ZIC2: variants seen among roughly 807,000 people sequenced by gnomAD.
ZIC2 encodes the protein Zic family zinc finger 2, also known as zinc finger protein ZIC 2.
Under a neutral mutation model 29.5 loss-of-function variants are expected in ZIC2, and 7 were observed. The ratio of observed to expected loss-of-function variants is 0.24; its 90% CI spans 0.14 to 0.45. The LOEUF (loss-of-function observed/expected upper bound fraction) is 0.45, where lower values mean the gene tolerates loss of function less well. Among genes scored for constraint, ZIC2 ranks in the 20% least tolerant of loss-of-function variants. The probability of loss-of-function intolerance (pLI) is 1.00; values close to 1 mark genes in which losing one functional copy is unlikely to be tolerated. For missense variants in ZIC2, 589 were observed against 781.2 expected (o/e 0.75, Z 2.93); for synonymous variants, 408 against 354.2 (o/e 1.15, Z -1.70).
Position 99,985,529 on chromosome 13 carries a change from TGGC to T in ZIC2, c.1451_1453del (p.Gly484del). 9.9e-7 allele frequency: 1 copy of T among 1,009,522 alleles called. No individual in the cohort carries two copies. The highest frequency in any genetic ancestry group is 1.2e-6 in the Non-Finnish European group (1 of 850,290). 62.5% of individuals were successfully genotyped at this position (1,009,522 alleles called of 1,614,324 possible). On this transcript the variant is annotated inframe_deletion, in exon 3 of 3. Transcript: ENST00000376335. The surrounding 1 kb of genome is among the most constrained non-coding windows in gnomAD (Gnocchi z 6.3). The stretch of plus-strand genomic sequence containing the variant: ...TGCACCGGGGCGGAGGCTCGGGCAG[TGGC>T]GGCGCGGGAGGCGGCTCAGGCGGCG...
At position 99,985,722 on chromosome 13, in the gene ZIC2, G is replaced by A; in HGVS notation, c.*40G>A. ...TCTCCCTCTCCCTGTCCCCACCCCA[G>A]CGCAGCAGCCCTCCCCGCAGCTAGC... On this transcript the variant is annotated 3_prime_UTR_variant, in exon 3 of 3. Transcript: ENST00000376335. The surrounding 1 kb of genome is among the most constrained non-coding windows in gnomAD (Gnocchi z 6.3). The A allele has an allele frequency of 8.1e-7, 1 of 1,234,028 alleles. No individual in the cohort carries two copies. The highest frequency in any genetic ancestry group is 1.1e-6 in the Non-Finnish European group (1 of 945,104). 76.4% of individuals were successfully genotyped at this position (1,234,028 alleles called of 1,614,324 possible).
In ZIC2 at chr13:99,985,825, G is replaced by A. The variant is rs1315696291; in HGVS notation, c.*143G>A. On this transcript the variant is annotated 3_prime_UTR_variant, in exon 3 of 3. Transcript: ENST00000376335. The surrounding 1 kb of genome is among the most constrained non-coding windows in gnomAD (Gnocchi z 6.3). ...ATGATGAAAATTTTACCAGCAGAAG[G>A]ATTTTTTAAAGTTTTTTTTTTTTTT... 1.5e-5 allele frequency: 5 copies of A among 328,998 alleles called. No homozygotes were observed. In the East Asian group the frequency reaches 4.7e-4, roughly 31 times the overall value. 20.4% of individuals were successfully genotyped at this position (328,998 alleles called of 1,614,324 possible).
At position 99,985,228 on chromosome 13, in the gene ZIC2, T is replaced by G; in HGVS notation, c.1240-95T>G. ...AGGGGCCAGGGCGGCGGGGGGAACA[T>G]TTCTGGGGGTGCTCTCCCCCAGGGG... On this transcript the variant is annotated intron_variant, in intron 2 of 2. Transcript: ENST00000376335. The surrounding 1 kb of genome is among the most constrained non-coding windows in gnomAD (Gnocchi z 6.3). 1 of 1,601,646 alleles carries G rather than the reference T, an allele frequency of 6.2e-7. No individual in the cohort carries two copies. The highest frequency in any genetic ancestry group is 1.7e-5 in the Admixed American group (1 of 59,346).
At position 99,985,364 on chromosome 13, in the gene ZIC2, C is replaced by G. The variant is rs373881602; in HGVS notation, c.1281C>G (p.Ala427=). Residue 427 remains alanine, a synonymous_variant, in exon 3 of 3, where the codon GCC becomes GCG. Coordinates refer to ENST00000376335, the MANE Select transcript of ZIC2 (RefSeq NM_007129.5). The surrounding 1 kb of genome is among the most constrained non-coding windows in gnomAD (Gnocchi z 6.3). ...SSPQGSESSP[A]ASSGYESSTP... ...CGCAGGGCTCTGAATCCTCCCCGGC[C>G]GCCAGCTCCGGCTATGAGTCGTCCA... 78 of 1,597,896 alleles carry G rather than the reference C, an allele frequency of 4.9e-5. No homozygotes were observed. In the East Asian group the frequency reaches 1.4e-3, roughly 28 times the overall value.
rs2053258353 is a variant in ZIC2, at chr13:99,985,243, T to TC, written c.1240-75dup. On this transcript the variant is annotated intron_variant, in intron 2 of 2. Transcript: ENST00000376335. This position sits in a 1 kb window ranked among gnomAD's most constrained non-coding sequence, Gnocchi z 6.3. ...GGGGGGAACATTTCTGGGGGTGCTC[T>TC]CCCCCAGGGGCCCGGCCCCACAGCA... 4 of 1,601,548 alleles carry TC rather than the reference T, an allele frequency of 2.5e-6. No individual in the cohort carries two copies. Among genetic ancestry groups the TC allele is most frequent in the Non-Finnish European group, 2.5e-6 (3 of 1,176,688 alleles).
rs1388935025 is a variant in ZIC2, at chr13:99,982,319, C to T, written c.255C>T (p.Tyr85=). The change falls in exon 1 of 3, where the codon TAC becomes TAT. Residue 85 remains tyrosine, a synonymous_variant. Coordinates refer to ENST00000376335, the MANE Select transcript of ZIC2 (RefSeq NM_007129.5). ...TCACGTCGCAGGGCCCCGGCGCCTA[C>T]CCCGGCTCCGCTGCGGCTGCCGCTG... ...SAFTSQGPGA[Y]PGSAAAAAAA... The T allele has an allele frequency of 6.8e-6, 10 of 1,468,492 alleles. No homozygotes were observed. Among genetic ancestry groups the T allele is most frequent in the Non-Finnish European group, 9.0e-6 (10 of 1,112,968 alleles). The allele number at this position is 1,468,492 out of a possible 1,614,324, so 91.0% of individuals were successfully genotyped here.
rs1300720574 is a variant in ZIC2 at position 99,982,632 on chromosome 13, C to T, written c.568C>T (p.Arg190Cys). 2 of 1,595,624 alleles carry T rather than the reference C, an allele frequency of 1.3e-6. No homozygotes were observed. Among genetic ancestry groups the T allele is most frequent in the Admixed American group, 1.7e-5 (1 of 59,338 alleles). Residue 190 changes from arginine to cysteine, a missense_variant, in exon 1 of 3, where the codon CGC becomes TGC. Arg to Cys is a radical substitution (Grantham distance 180, BLOSUM62 -3). This residue lies in a region of ZIC2 where 358 missense variants were observed against 382.0 expected (regional missense o/e 0.94). Coordinates refer to ENST00000376335, the MANE Select transcript of ZIC2 (RefSeq NM_007129.5). ...CGGGCTGCCCGGCGAGGTGTTCGGG[C>T]GCTCGGAGCAATACCGCCAGGTGGC... ...RLGLPGEVFG[R>C]SEQYRQVASP...
Position 99,986,023 on chromosome 13 carries a change from A to T in ZIC2, c.*341A>T, listed in dbSNP as rs1220903404. On this transcript the variant is annotated 3_prime_UTR_variant, in exon 3 of 3. Coordinates refer to ENST00000376335, the MANE Select transcript of ZIC2 (RefSeq NM_007129.5). ...CCCACCCTGTTCCCAGTCTTCTGAC[A>T]AACTGTGTACATAGCGGACTCCTCC... The T allele has an allele frequency of 4.4e-6, 2 of 455,772 alleles. No homozygotes were observed. Among genetic ancestry groups the T allele is most frequent in the South Asian group, 3.1e-5 (2 of 64,380 alleles). 28.2% of individuals were successfully genotyped at this position (455,772 alleles called of 1,614,324 possible). A position where few individuals can be genotyped will look rare whatever the true frequency, so the allele number is the denominator to read the frequency against.
Position 99,986,011 on chromosome 13 carries a change from C to T in ZIC2, c.*329C>T, listed in dbSNP as rs1337716327. ...CCCACGTTCTTTCCCACCCTGTTCC[C>T]AGTCTTCTGACAAACTGTGTACATA... is the stretch of plus-strand genomic sequence containing the variant. On this transcript the variant is annotated 3_prime_UTR_variant, in exon 3 of 3. Transcript: ENST00000376335. 2.2e-6 allele frequency: 1 copy of T among 455,200 alleles called. No homozygotes were observed. The highest frequency in any genetic ancestry group is 2.4e-5 in the Admixed American group (1 of 42,334). 28.2% of individuals were successfully genotyped at this position (455,200 alleles called of 1,614,324 possible).
At position 99,985,227 on chromosome 13, in the gene ZIC2, A is replaced by AT; in HGVS notation, c.1240-93dup. 1 of 1,602,634 alleles carries AT rather than the reference A, an allele frequency of 6.2e-7. No homozygotes were observed. Among genetic ancestry groups the AT allele is most frequent in the East Asian group, 2.2e-5 (1 of 44,546 alleles). ...CAGGGGCCAGGGCGGCGGGGGGAAC[A>AT]TTTCTGGGGGTGCTCTCCCCCAGGG... On this transcript the variant is annotated intron_variant, in intron 2 of 2. Transcript: ENST00000376335. This position sits in a 1 kb window ranked among gnomAD's most constrained non-coding sequence, Gnocchi z 6.3.
rs2053245591 is a variant in ZIC2, at chr13:99,983,209, G to A, written c.1075+70G>A. 1 of 1,561,148 alleles carries A rather than the reference G, an allele frequency of 6.4e-7. No individual in the cohort carries two copies. The highest frequency in any genetic ancestry group is 8.6e-7 in the Non-Finnish European group (1 of 1,156,294). On this transcript the variant is annotated intron_variant, in intron 1 of 2. Transcript: ENST00000376335. This position sits in a 1 kb window ranked among gnomAD's most constrained non-coding sequence, Gnocchi z 4.7. ...GCACAGGCTGAGACTCAGGCTGTGG[G>A]TGCCGACGCTGGGCGCAGACCGCCA...
Position 99,985,919 on chromosome 13 carries a change from CAAATAAA to C in ZIC2, c.*248_*254del. The stretch of plus-strand genomic sequence containing the variant: ...AGTCTTTGAAGCTGAAAATATAAAA[CAAATAAA>C]AAATAAAAAAATAAAAACCCACAAA... On this transcript the variant is annotated 3_prime_UTR_variant, in exon 3 of 3. Coordinates refer to ENST00000376335, the MANE Select transcript of ZIC2 (RefSeq NM_007129.5). This position sits in a 1 kb window ranked among gnomAD's most constrained non-coding sequence, Gnocchi z 6.3. 2.9e-6 allele frequency: 1 copy of C among 343,338 alleles called. No individual in the cohort carries two copies. The highest frequency in any genetic ancestry group is 5.5e-6 in the Non-Finnish European group (1 of 181,118). 21.3% of individuals were successfully genotyped at this position (343,338 alleles called of 1,614,324 possible).
intron 1 of ZIC2, chr13:99,984,530 T>C: frequency 3.5e-6 from 1 of 288,300 alleles, no homozygotes; most frequent in South Asian, 3.4e-5. Flanking sequence ...AATTGCTTAC[T>C]GGCCCTGGCG....
In ZIC2 at chr13:99,985,454, GGCGGCA is replaced by G; in HGVS notation, c.1377_1382del (p.Ala469_Ala470del). On this transcript the variant is annotated inframe_deletion, in exon 3 of 3. Transcript: ENST00000376335. The surrounding 1 kb of genome is among the most constrained non-coding windows in gnomAD (Gnocchi z 6.3). ...GCAGCTCCAACCTGTCCCCAGCGGCGGCGGCAGCGGCGGCGGCGGCTGCGGCGGCGG... is the reference window on the plus strand; with the variant it reads ...GCAGCTCCAACCTGTCCCCAGCGGCGGCGGCGGCGGCGGCTGCGGCGGCGG... 1 of 1,387,884 alleles carries G rather than the reference GGCGGCA, an allele frequency of 7.2e-7. No homozygotes were observed. Among genetic ancestry groups the G allele is most frequent in the African/African-American group, 1.5e-5 (1 of 66,770 alleles). 86.0% of individuals were successfully genotyped at this position (1,387,884 alleles called of 1,614,324 possible).
rs2053247013 is a variant in ZIC2 at position 99,983,505 on chromosome 13, A to G, written c.1075+366A>G. 6.6e-6 allele frequency among the ~76,000 whole-genome samples: 1 copy of G among 152,120 alleles called. No homozygotes were observed. ...AAGCGAGCCTAGAGAGGATTTTGCC[A>G]GCTTGTCTGAATGTGCTTTTCTGCT... On this transcript the variant is annotated intron_variant, in intron 1 of 2. Coordinates refer to ENST00000376335, the MANE Select transcript of ZIC2 (RefSeq NM_007129.5). The surrounding 1 kb of genome is among the most constrained non-coding windows in gnomAD (Gnocchi z 4.7).
chr13:99,984,547 C>A lies in ZIC2; in HGVS notation c.1076-399C>A, dbSNP rs574499981. On this transcript the variant is annotated intron_variant, in intron 1 of 2. Coordinates refer to ENST00000376335, the MANE Select transcript of ZIC2 (RefSeq NM_007129.5). ...TTGCTTACTGGCCCTGGCGAGAAAC[C>A]GACAGCAGCCCAGCAGCCTGTGTGA... 29 of 298,988 alleles carry A rather than the reference C, an allele frequency of 9.7e-5. No homozygotes were observed. In the East Asian group the frequency reaches 1.7e-3, roughly 17 times the overall value. 18.5% of individuals were successfully genotyped at this position (298,988 alleles called of 1,614,324 possible).
In ZIC2 at chr13:99,982,803, A is replaced by C; in HGVS notation, c.739A>C (p.Met247Leu). 6.2e-7 allele frequency: 1 copy of C among 1,611,320 alleles called. No individual in the cohort carries two copies. The highest frequency in any genetic ancestry group is 8.5e-7 in the Non-Finnish European group (1 of 1,179,966). Reference protein sequence around the residue: ...HHHPGAFFRYMRQQCIKQELI... With the variant: ...HHHPGAFFRYLRQQCIKQELI... ...CCACCCCGGTGCCTTTTTCCGCTATATGCGGCAGCAGTGCATCAAGCAGGA... is the reference window on the plus strand; with the variant it reads ...CCACCCCGGTGCCTTTTTCCGCTATCTGCGGCAGCAGTGCATCAAGCAGGA... The change falls in exon 1 of 3, where the codon ATG (methionine) becomes CTG (leucine). Residue 247 changes from methionine (M) to leucine (L), a missense_variant. By Grantham distance (15) the Met-to-Leu change is conservative. Around this residue, in one of 7 missense-constraint regions of ZIC2, gnomAD observed 27 missense variants for 47.5 expected, o/e 0.57. Transcript: ENST00000376335.
chr13:99,985,299 C>G lies in ZIC2; in HGVS notation c.1240-24C>G. 2 of 1,599,096 alleles carry G rather than the reference C, an allele frequency of 1.3e-6. No individual in the cohort carries two copies. Among genetic ancestry groups the G allele is most frequent in the Non-Finnish European group, 8.5e-7 (1 of 1,179,342 alleles). Reference sequence around the variant, plus strand: ...ACTCACACCCAGTCCCCTCTGGTCCCCCCTCCCGGCTTTTGTCTTGCAGGT... The same window carrying G: ...ACTCACACCCAGTCCCCTCTGGTCCGCCCTCCCGGCTTTTGTCTTGCAGGT... On this transcript the variant is annotated intron_variant, in intron 2 of 2. Transcript: ENST00000376335. The surrounding 1 kb of genome is among the most constrained non-coding windows in gnomAD (Gnocchi z 6.3).
In ZIC2 at chr13:99,982,904, G is replaced by A; in HGVS notation, c.840G>A (p.Met280Ile). 6.2e-7 allele frequency: 1 copy of A among 1,613,708 alleles called. No individual in the cohort carries two copies. Residue 280 changes from methionine to isoleucine, a missense_variant, in exon 1 of 3, where the codon ATG becomes ATA. Coordinates refer to ENST00000376335, the MANE Select transcript of ZIC2 (RefSeq NM_007129.5). The part of the protein sequence containing the change: ...KKSCNKTFST[M>I]HELVTHVSVE... The stretch of plus-strand genomic sequence containing the variant: ...GCTGCAACAAAACTTTCAGCACCAT[G>A]CACGAGCTGGTGACACACGTCTCGG...
Sources: gnomAD v4.1 joint callset for allele counts (sites outside exome capture counted in the v4.1 genomes callset) on GRCh38, gnomAD v4.1.1 for gene constraint, gnomAD v4.1.1 regional missense constraint, Gnocchi (gnomAD v3.1) non-coding constraint, MANE v1.5 for transcripts, NCBI Gene and HGNC (gene_info 2026-07-23, HGNC 2026-07-21) for gene names.